DNAJB6: variants seen among roughly 807,000 people sequenced by gnomAD.
DNAJB6 encodes dnaJ homolog subfamily B member 6.
In DNAJB6, 16 loss-of-function variants were observed where a neutral mutation model predicts 42.7. That is an observed-to-expected ratio of 0.37 (90% CI 0.25 to 0.57). The LOEUF (loss-of-function observed/expected upper bound fraction) is 0.57, where lower values mean the gene tolerates loss of function less well. Ranked by LOEUF, DNAJB6 falls within the 20% of genes least tolerant of loss-of-function variation. DNAJB6 has a pLI of 0.74. For missense variants in DNAJB6, 347 were observed against 416.8 expected (o/e 0.83, Z 1.46); for synonymous variants, 170 against 163.5 (o/e 1.04, Z -0.30).
At chr7:157,355,253 G>T (rs545391915) in intron 1 of DNAJB6, among the ~76,000 whole-genome samples, 3 of 152,252 alleles carry the variant, frequency 2.0e-5, no homozygotes, top group Non-Finnish European at 2.9e-5. Context: ...TCCGCCTCCC[G>T]GGGTTCACGC....
chr7:157,408,019 CAT>C (rs756868745), intron 8 of DNAJB6, among the ~76,000 whole-genome samples: 7 of 152,146 alleles, frequency 4.6e-5, no homozygotes, highest in Non-Finnish European at 1.0e-4. Flanking sequence ...TCACTCACGT[CAT>C]AGAATCGCAG....
chr7:157,348,725 T>C (rs1396763710), intron 1 of DNAJB6, among the ~76,000 whole-genome samples: 1 of 152,194 alleles, frequency 6.6e-6, no homozygotes, highest in Non-Finnish European at 1.5e-5. Context: ...GGAAGAGTCC[T>C]AATTCCTTAG....
At chr7:157,370,765 T>C (rs1800168914) in intron 5 of DNAJB6, 1 of 152,650 alleles carries the variant, frequency 6.6e-6, no homozygotes, top group African/African-American at 2.4e-5. Context: ...TTCTTATAGG[T>C]GTTCTAGATG....
chr7:157,350,259 A>G (rs929564656), intron 1 of DNAJB6, among the ~76,000 whole-genome samples: 1 of 152,104 alleles, frequency 6.6e-6, no homozygotes, highest in African/African-American at 2.4e-5. Context: ...GAGGGGAGGG[A>G]CCAGGTAGGT....
At chr7:157,403,658 A>G (rs1469193380) in intron 8 of DNAJB6, among the ~76,000 whole-genome samples, 2 of 151,916 alleles carry the variant, frequency 1.3e-5, no homozygotes, top group Non-Finnish European at 2.9e-5. Context: ...CTTTAGGAAT[A>G]AAATGGGAGG....
chr7:157,340,589 G>C (rs999904869), intron 1 of DNAJB6, among the ~76,000 whole-genome samples: 1 of 151,942 alleles, frequency 6.6e-6, no homozygotes, highest in Non-Finnish European at 1.5e-5. Context: ...AACCCTTTAT[G>C]TTTTTGTATG....
At chr7:157,410,449 G>T (rs1216620890) in intron 9 of DNAJB6, 1 of 259,342 alleles carries the variant, frequency 3.9e-6, no homozygotes, top group African/African-American at 2.2e-5. Context: ...CAGAACAAAA[G>T]ACCCCCTCAA....
rs1799896104 is a variant in DNAJB6, at chr7:157,367,378, A to C, written c.241A>C (p.Ser81Arg). 3 of 1,604,348 alleles carry C rather than the reference A, an allele frequency of 1.9e-6. No homozygotes were observed. The highest frequency in any genetic ancestry group is 1.3e-5 in the African/African-American group (1 of 74,746). The change falls in exon 5 of 10, where the codon AGT (serine) becomes CGT (arginine). Residue 81 changes from serine (S) to arginine (R), a missense_variant. Ser to Arg is a moderately radical substitution (Grantham distance 110, BLOSUM62 -1). Around this residue, in one of 3 missense-constraint regions of DNAJB6, gnomAD observed 78 missense variants for 102.1 expected, o/e 0.76. Transcript: ENST00000262177. ...EGLNGGGGGG[S>R]HFDSPFEFGF... ...GCTGTGTTGTATTTGTGCAGGTGGA[A>C]GTCATTTTGACAGTCCATTTGAATT...
At chr7:157,413,213 G>A (rs1045201319) in intron 9 of DNAJB6, 1 of 152,208 alleles carries the variant, frequency 6.6e-6, no homozygotes, top group African/African-American at 2.4e-5. Context: ...GATGTTTTGT[G>A]TTTGTGAATT....
intron 3 of DNAJB6, among the ~76,000 whole-genome samples, chr7:157,364,071 C>T (rs1445091345): frequency 1.3e-5 from 2 of 151,778 alleles, no homozygotes. Flanking sequence ...TGCATGTGGT[C>T]AGGTAATTGG....
intron 1 of DNAJB6, among the ~76,000 whole-genome samples, chr7:157,352,371 C>T (rs770361000): frequency 7.9e-5 from 12 of 151,884 alleles, no homozygotes; most frequent in Non-Finnish European, 1.3e-4. Flanking sequence ...TTTTTTACTC[C>T]AAGTAAGCTA....
intron 5 of DNAJB6, among the ~76,000 whole-genome samples, chr7:157,377,216 G>T (rs1053673180): frequency 4.7e-5 from 7 of 149,878 alleles, no homozygotes; most frequent in African/African-American, 1.8e-4. Flanking sequence ...ATGTTAATAA[G>T]ACTGTTCACA....
chr7:157,343,811 G>C (rs1416091305), intron 1 of DNAJB6, among the ~76,000 whole-genome samples: 2 of 152,076 alleles, frequency 1.3e-5, no homozygotes, highest in Non-Finnish European at 2.9e-5. Flanking sequence ...ATTGGAGAAG[G>C]TTATTTTTGA....
Position 157,339,126 on chromosome 7 carries a change from A to G in DNAJB6, c.-27+1982A>G, listed in dbSNP as rs377288865. The stretch of plus-strand genomic sequence containing the variant: ...ATGGTATTACAGTGTGATACCTGTT[A>G]CTGAGTGGCGTACATTAGCTTTCAT... On this transcript the variant is annotated intron_variant, in intron 1 of 9. Transcript: ENST00000262177. 2.3e-4 allele frequency among the ~76,000 whole-genome samples: 35 copies of G among 152,180 alleles called. 1 individual carries two copies. The South Asian group carries it at 7.3e-3, about 32-fold the overall frequency.
At chr7:157,404,519 T>C (rs1237146843) in intron 8 of DNAJB6, among the ~76,000 whole-genome samples, 2 of 145,296 alleles carry the variant, frequency 1.4e-5, no homozygotes, top group Admixed American at 6.7e-5. Context: ...TTCTTTTCTT[T>C]TTTTTTTTTG....
chr7:157,408,060 C>T (rs184924350), intron 8 of DNAJB6, among the ~76,000 whole-genome samples: 24 of 152,278 alleles, frequency 1.6e-4, no homozygotes, highest in African/African-American at 5.5e-4. Context: ...GTTTGTTCTG[C>T]AGGTGAGCAC....
intron 5 of DNAJB6, among the ~76,000 whole-genome samples, chr7:157,371,261 G>A (rs533001388): frequency 6.6e-6 from 1 of 152,356 alleles, no homozygotes; most frequent in Admixed American, 6.5e-5. Context: ...ATATTTACTA[G>A]ACCTGGTGTA....
intron 1 of DNAJB6, among the ~76,000 whole-genome samples, chr7:157,340,413 A>G (rs965703548): frequency 2.0e-5 from 3 of 152,234 alleles, no homozygotes; most frequent in Admixed American, 2.0e-4. Context: ...CAAACTCAAA[A>G]AAATGAGGTT....
At chr7:157,355,816 G>A (rs977622252) in intron 1 of DNAJB6, among the ~76,000 whole-genome samples, 3 of 152,312 alleles carry the variant, frequency 2.0e-5, no homozygotes, top group East Asian at 1.9e-4. Context: ...CATGAATACC[G>A]AGTGCTGTTA....
Sources: gnomAD v4.1 joint callset for allele counts (sites outside exome capture counted in the v4.1 genomes callset) on GRCh38, gnomAD v4.1.1 for gene constraint, gnomAD v4.1.1 regional missense constraint, MANE v1.5 for transcripts, NCBI Gene and HGNC (gene_info 2026-07-23, HGNC 2026-07-21) for gene names.